Variants in TENM3 observed in about 807,000 individuals in gnomAD.
TENM3 encodes teneurin transmembrane protein 3, also known as teneurin-3.
Under a neutral mutation model 255.1 loss-of-function variants are expected in TENM3, and 63 were observed. The observed-to-expected ratio is 0.25, with a 90% CI of 0.20 to 0.30. TENM3 has a LOEUF of 0.30. TENM3 is among the 10% of genes least tolerant of loss of function. TENM3 has a pLI of 1.00. For missense variants in TENM3, 2,929 were observed against 3,461.1 expected (o/e 0.85, Z 3.86); for synonymous variants, 1,306 against 1,322.3 (o/e 0.99, Z 0.27).
intron 3 of TENM3, among the ~76,000 whole-genome samples, chr4:182,544,514 A>G (rs1741236081): frequency 6.6e-6 from 1 of 151,792 alleles, no homozygotes; most frequent in African/African-American, 2.4e-5. Flanking sequence ...TATTTTTAGT[A>G]GAGACAGAGT....
chr4:182,479,886 T>A (rs1734028786), intron 3 of TENM3, among the ~76,000 whole-genome samples: 1 of 151,980 alleles, frequency 6.6e-6, no homozygotes, highest in Non-Finnish European at 1.5e-5. Flanking sequence ...TGATATTCTG[T>A]AAAAACAAAT....
chr4:182,784,740 G>C (rs1321439045), intron 24 of TENM3, among the ~76,000 whole-genome samples: 1 of 151,910 alleles, frequency 6.6e-6, no homozygotes, highest in African/African-American at 2.4e-5. Context: ...AGCCAGGTGC[G>C]GGATATAATC....
intron 1 of TENM3, among the ~76,000 whole-genome samples, chr4:182,289,435 C>T (rs1760966366): frequency 6.6e-6 from 1 of 152,306 alleles, no homozygotes; most frequent in African/African-American, 2.4e-5. Flanking sequence ...CCTCTGCCTG[C>T]CCAGGAGGCC....
At chr4:182,761,150 G>A (rs1763157880) in intron 22 of TENM3, among the ~76,000 whole-genome samples, 4 of 152,042 alleles carry the variant, frequency 2.6e-5, no homozygotes, top group Admixed American at 1.3e-4. Flanking sequence ...TGGGCACGGC[G>A]GCTCACATCT....
At chr4:182,499,650 T>C (rs931913081) in intron 3 of TENM3, among the ~76,000 whole-genome samples, 1 of 152,208 alleles carries the variant, frequency 6.6e-6, no homozygotes, top group African/African-American at 2.4e-5. Context: ...TCATTACTTG[T>C]CCTAAACTCA....
chr4:181,605,430 C>T, the TENM3 span, among the ~76,000 whole-genome samples: 32 of 128,476 alleles, frequency 2.5e-4, 1 homozygote, highest in Non-Finnish European at 2.8e-4. Context: ...GGCAACAAAG[C>T]GAGACACCAT....
chr4:182,770,731 C>T (rs1454392111), intron 22 of TENM3, among the ~76,000 whole-genome samples: 1 of 152,180 alleles, frequency 6.6e-6, no homozygotes, highest in Non-Finnish European at 1.5e-5. Flanking sequence ...TAAATTGTCA[C>T]GTATATGACC....
chr4:181,601,749 G>T, the TENM3 span, among the ~76,000 whole-genome samples: 2 of 152,022 alleles, frequency 1.3e-5, no homozygotes, highest in African/African-American at 4.8e-5. Context: ...ACCTTCCTGG[G>T]CTCATATGAA....
At chr4:181,781,501 G>T in the TENM3 span, among the ~76,000 whole-genome samples, 1 of 152,170 alleles carries the variant, frequency 6.6e-6, no homozygotes, top group South Asian at 2.1e-4. Flanking sequence ...TTGCTTATCA[G>T]CTTAAAGAGA....
At chr4:182,379,357 A>G (rs1242117134) in intron 3 of TENM3, among the ~76,000 whole-genome samples, 5 of 152,128 alleles carry the variant, frequency 3.3e-5, no homozygotes, top group African/African-American at 1.2e-4. Flanking sequence ...ACTCCGTCTA[A>G]GAAAGAAAAA....
Position 182,316,682 on chromosome 4 carries a change from T to G in TENM3, c.-75-7264T>G, listed in dbSNP as rs115450336. Among the ~76,000 whole-genome samples the G allele has an allele frequency of 7.2e-3, 1,075 of 149,212 alleles. 7 individuals carry two copies. The highest frequency in any genetic ancestry group is 9.8e-3 in the Non-Finnish European group (649 of 66,184). On this transcript the variant is annotated intron_variant, in intron 1 of 27. Coordinates refer to ENST00000511685, the MANE Select transcript of TENM3 (RefSeq NM_001080477.4). ...CAGTCCTTTCAGATCATTCTTTCTG[T>G]GCCCTCCAGTGGTCTCCTCACACAC...
In TENM3 at chr4:182,792,860, A is replaced by C. The variant is rs1172889127; in HGVS notation, c.6188A>C (p.Tyr2063Ser). The change falls in exon 26 of 28, where the codon TAT becomes TCT. Residue 2063 changes from tyrosine to serine, a missense_variant. Physicochemically the swap from Tyr to Ser is moderately radical, Grantham distance 144 (BLOSUM62 -2). Around this residue, in one of 6 missense-constraint regions of TENM3, gnomAD observed 256 missense variants for 389.3 expected, o/e 0.66. Coordinates refer to ENST00000511685, the MANE Select transcript of TENM3 (RefSeq NM_001080477.4). The surrounding 1 kb of genome is among the most constrained non-coding windows in gnomAD (Gnocchi z 6.3). ...CAGTTTGGAAAGTTTGGAGTTATAT[A>C]TTATGATATTAACCAGATCATTTCT... ...VEQFGKFGVIYYDINQIISTA... is the reference protein window; with the variant it reads ...VEQFGKFGVISYDINQIISTA... 1 of 1,613,806 alleles carries C rather than the reference A, an allele frequency of 6.2e-7. No individual in the cohort carries two copies. Among genetic ancestry groups the C allele is most frequent in the South Asian group, 1.1e-5 (1 of 91,074 alleles).
At chr4:181,771,345 T>G in the TENM3 span, among the ~76,000 whole-genome samples, 9 of 152,206 alleles carry the variant, frequency 5.9e-5, no homozygotes, top group Non-Finnish European at 1.2e-4. Context: ...TAATAGGTGA[T>G]GCACTGGAAA....
At chr4:181,762,731 A>T in the TENM3 span, among the ~76,000 whole-genome samples, 1 of 152,278 alleles carries the variant, frequency 6.6e-6, no homozygotes, top group Non-Finnish European at 1.5e-5. Flanking sequence ...AAAACTTCTT[A>T]TTTACCAGTG....
the TENM3 span, among the ~76,000 whole-genome samples, chr4:181,564,210 G>A: frequency 4.6e-5 from 7 of 151,904 alleles, no homozygotes; most frequent in African/African-American, 1.7e-4. Context: ...AGTTTTAGTA[G>A]AGATGAGGTT....
chr4:182,186,493 T>C (rs902207355), intron 1 of TENM3, among the ~76,000 whole-genome samples: 2 of 151,574 alleles, frequency 1.3e-5, no homozygotes, highest in African/African-American at 4.8e-5. Flanking sequence ...TAGAAGATAA[T>C]TTGCTTGTTT....
At chr4:182,680,818 A>G (rs550205819) in intron 10 of TENM3, 81 bp downstream of exon 10, 2 of 1,135,672 alleles carry the variant, frequency 1.8e-6, no homozygotes, top group Non-Finnish European at 2.4e-6. Context: ...AGTTGGGCAG[A>G]TCTCTTTTAT....
chr4:181,770,412 CGCCTGTA>C, the TENM3 span, among the ~76,000 whole-genome samples: 1 of 151,980 alleles, frequency 6.6e-6, no homozygotes, highest in African/African-American at 2.4e-5. Flanking sequence ...TGGTGGCTCA[CGCCTGTA>C]ATCCCAGCAC....
the TENM3 span, among the ~76,000 whole-genome samples, chr4:181,508,389 G>A: frequency 2.0e-4 from 31 of 152,184 alleles, no homozygotes; most frequent in African/African-American, 6.3e-4. Flanking sequence ...AAAGAGGATG[G>A]ATAAAATATT....
Sources: allele counts gnomAD v4.1 joint callset (sites outside exome capture counted in the v4.1 genomes callset), GRCh38; gene constraint gnomAD v4.1.1; regional missense constraint gnomAD v4.1.1; non-coding constraint Gnocchi (gnomAD v3.1); transcripts MANE v1.5; gene names NCBI Gene and HGNC (gene_info 2026-07-23, HGNC 2026-07-21).